The following TRPM6 variants were observed in gnomAD, a reference collection of about 807,000 sequenced individuals.
The protein encoded by TRPM6 is channel kinase 2.
A neutral mutation model predicts 247.6 loss-of-function variants in TRPM6; 111 were observed. The observed-to-expected ratio is 0.45, with a 90% CI of 0.38 to 0.52. TRPM6 has a LOEUF of 0.52. Ranked by LOEUF, TRPM6 falls within the 20% of genes least tolerant of loss-of-function variation. The pLI, the probability that TRPM6 is intolerant of heterozygous loss-of-function variation, is 0.00. For synonymous variants in TRPM6, 892 were observed against 853.8 expected, an observed-to-expected ratio of 1.04 and a Z score of -0.78; for missense variants, 2,126 against 2,421.5, an observed-to-expected ratio of 0.88 and a Z score of 2.56.
chr9:74,796,867 G>C lies in TRPM6; in HGVS notation c.2265C>G (p.Pro755=), dbSNP rs747580293. The stretch of plus-strand genomic sequence containing the variant: ...TTTTAAATTCCAGTGTCAAAATGGT[G>C]GGTGGTAAAATAATGCTTATAATAA... The part of the protein sequence containing the change: ...LKIIISIILP[P]TILTLEFKSK... The change falls in exon 18 of 39, where the codon CCC becomes CCG. Residue 755 remains proline, a synonymous_variant. Coordinates refer to ENST00000360774, the MANE Select transcript of TRPM6 (RefSeq NM_017662.5). 1 of 1,613,750 alleles carries C rather than the reference G, an allele frequency of 6.2e-7. No individual in the cohort carries two copies. The highest frequency in any genetic ancestry group is 1.7e-5 in the Admixed American group (1 of 59,996).
intron 7 of TRPM6, chr9:74,827,568 CT>C: frequency 1.5e-6 from 1 of 676,196 alleles, no homozygotes; most frequent in Non-Finnish European, 2.7e-6. Flanking sequence ...AGGATGAAGA[CT>C]TTAGTGGATC....
chr9:74,771,583 T>C, intron 25 of TRPM6, 120 bp downstream of exon 25: 2 of 935,086 alleles, frequency 2.1e-6, no homozygotes, highest in South Asian at 1.4e-5. Context: ...TTGTTAAATG[T>C]TTCAAATTAT....
chr9:74,751,625 G>A (rs1446587025), intron 29 of TRPM6, among the ~76,000 whole-genome samples: 4 of 152,156 alleles, frequency 2.6e-5, no homozygotes, highest in East Asian at 3.8e-4. Context: ...CCCACGTGGC[G>A]GATGGCACAA....
intron 9 of TRPM6, 113 bp from the exon 10 acceptor site, chr9:74,817,077 C>T (rs920057764): frequency 2.0e-6 from 2 of 993,460 alleles, no homozygotes; most frequent in African/African-American, 3.2e-5. Context: ...AAACATTCTT[C>T]TTTAAAACCT....
At chr9:74,887,221 G>A (rs866150558) in intron 1 of TRPM6, 4 of 1,261,136 alleles carry the variant, frequency 3.2e-6, no homozygotes, top group Middle Eastern at 2.0e-4. Context: ...GCGGCGGGGC[G>A]GGTGTTTACC....
At chr9:74,872,144 T>C (rs1181469142) in intron 1 of TRPM6, among the ~76,000 whole-genome samples, 2 of 151,962 alleles carry the variant, frequency 1.3e-5, no homozygotes, top group Non-Finnish European at 2.9e-5. Context: ...TCAGCCACCA[T>C]GCCTGGCTGC....
In TRPM6 at chr9:74,848,770, T is replaced by C. The variant is rs73536105; in HGVS notation, c.153-6427A>G. 8.2e-3 allele frequency among the ~76,000 whole-genome samples: 1,246 copies of C among 152,292 alleles called. 13 individuals are homozygous for C. The highest frequency in any genetic ancestry group is 0.028 in the African/African-American group (1,184 of 41,554). On this transcript the variant is annotated intron_variant, in intron 3 of 38. Coordinates refer to ENST00000360774, the MANE Select transcript of TRPM6 (RefSeq NM_017662.5). Reference sequence around the variant, plus strand: ...ATATTCTGATGCACAATTAATTCCATGGACTACGTAAGGTGCAGTATACAT... The same window carrying C: ...ATATTCTGATGCACAATTAATTCCACGGACTACGTAAGGTGCAGTATACAT...
intron 9 of TRPM6, among the ~76,000 whole-genome samples, chr9:74,817,740 AG>A (rs11297751): frequency 0.58 from 87,602 of 151,414 alleles, 25,621 homozygotes; most frequent in East Asian, 0.79. Context: ...CTTCAAAAAA[AG>A]GGGGGGGGAG....
intron 3 of TRPM6, among the ~76,000 whole-genome samples, chr9:74,849,318 T>C (rs1373366481): frequency 1.5e-5 from 2 of 133,000 alleles, no homozygotes; most frequent in Non-Finnish European, 3.1e-5. Flanking sequence ...ACCATTGCAC[T>C]CCAGCCTGGG....
intron 17 of TRPM6, 148 bp from the exon 18 acceptor site, chr9:74,797,041 T>A: frequency 1.4e-6 from 1 of 736,936 alleles, no homozygotes; most frequent in Non-Finnish European, 2.3e-6. Context: ...ATTTTTTGAC[T>A]CGGCAACTTC....
intron 19 of TRPM6, among the ~76,000 whole-genome samples, chr9:74,788,985 T>C (rs1326298876): frequency 6.6e-6 from 1 of 152,174 alleles, no homozygotes. Flanking sequence ...GAAGGACACA[T>C]TGTGCCTTTC....
At chr9:74,868,203 A>G (rs1830915651) in intron 1 of TRPM6, among the ~76,000 whole-genome samples, 1 of 151,512 alleles carries the variant, frequency 6.6e-6, no homozygotes, top group Admixed American at 6.6e-5. Context: ...AATAAAACAA[A>G]AAAGTGTCCC....
intron 3 of TRPM6, among the ~76,000 whole-genome samples, chr9:74,843,254 T>C (rs1022145938): frequency 1.3e-5 from 2 of 152,178 alleles, no homozygotes; most frequent in Non-Finnish European, 2.9e-5. Flanking sequence ...GTAGATGTCT[T>C]GCTATTTCCA....
chr9:74,794,272 C>T, intron 18 of TRPM6, among the ~76,000 whole-genome samples: 1 of 152,186 alleles, frequency 6.6e-6, no homozygotes, highest in East Asian at 1.9e-4. Context: ...AAAGTTATCT[C>T]TTTAATGTCA....
chr9:74,752,571 C>A (rs2118797206), intron 28 of TRPM6, among the ~76,000 whole-genome samples: 2 of 152,112 alleles, frequency 1.3e-5, no homozygotes, highest in African/African-American at 4.8e-5. Context: ...TATTTCTATT[C>A]TTCTATAGTT....
intron 36 of TRPM6, chr9:74,737,209 A>T: frequency 5.9e-6 from 1 of 169,180 alleles, no homozygotes. Flanking sequence ...TGAATTAAAT[A>T]TAATTCAACT....
In TRPM6 at chr9:74,808,169, G is replaced by A. The variant is rs146800317; in HGVS notation, c.1503C>T (p.Thr501=). 8 of 1,613,746 alleles carry A rather than the reference G, an allele frequency of 5.0e-6. No homozygotes were observed. In the African/African-American group the frequency reaches 1.1e-4, roughly 22 times the overall value. ...AGGTTATTCGGTAGCCTGAAAGAAG[G>A]GTATGCTGCAACAAAAACATGCAAC... ...HHLVQDVKQH[T]LLSGYRITLI... The change falls in exon 14 of 39, where the codon ACC becomes ACT. Residue 501 remains threonine (T), a synonymous_variant. Transcript: ENST00000360774.
Position 74,821,691 on chromosome 9 carries a change from G to A in TRPM6, c.988C>T (p.His330Tyr). The change falls in exon 8 of 39, where the codon CAC becomes TAC. Residue 330 changes from histidine to tyrosine, a missense_variant. By Grantham distance (83) the His-to-Tyr change is moderately conservative (BLOSUM62 2). Around this residue, in one of 3 missense-constraint regions of TRPM6, gnomAD observed 1,082 missense variants for 1,307.9 expected, o/e 0.83. Transcript: ENST00000360774. The part of the protein sequence containing the change: ...GRAADLLAFT[H>Y]KHLADEGMLR... ...CACCCTTCATCTGCCAGGTGTTTGTGTGTGAAGGCCAGGAGGTCAGCCGCC... is the reference window on the plus strand; with the variant it reads ...CACCCTTCATCTGCCAGGTGTTTGTATGTGAAGGCCAGGAGGTCAGCCGCC... The A allele has an allele frequency of 2.5e-6, 4 of 1,614,190 alleles. No homozygotes were observed. Among genetic ancestry groups the A allele is most frequent in the Non-Finnish European group, 3.4e-6 (4 of 1,180,044 alleles).
rs762329980 is a variant in TRPM6, at chr9:74,762,432, T to G, written c.4239A>C (p.Leu1413Phe). 5 of 1,614,174 alleles carry G rather than the reference T, an allele frequency of 3.1e-6. 1 individual carries two copies. Among genetic ancestry groups the G allele is most frequent in the Middle Eastern group, 1.6e-4 (1 of 6,062 alleles). ...GCTCTGCCTTGTCTTGTCCATCCAG[T>G]AAGTGAGCAATAGGCTCGTGCTTTT... ...PKEKHEPIAH[L>F]LDGQDKAEQV... The change falls in exon 26 of 39, where the codon TTA becomes TTC. Residue 1413 changes from leucine (L) to phenylalanine (F), a missense_variant. Around this residue, in one of 3 missense-constraint regions of TRPM6, gnomAD observed 717 missense variants for 715.9 expected, o/e 1.00. Transcript: ENST00000360774.
Sources: allele counts gnomAD v4.1 joint callset (sites outside exome capture counted in the v4.1 genomes callset), GRCh38; gene constraint gnomAD v4.1.1; regional missense constraint gnomAD v4.1.1; transcripts MANE v1.5; gene names NCBI Gene and HGNC (gene_info 2026-07-23, HGNC 2026-07-21).